LIPC: variants seen among roughly 807,000 people sequenced by gnomAD.
The protein encoded by LIPC is lipase C, hepatic type.
LIPC carries 44 observed loss-of-function variants against 50.7 expected under a neutral mutation model. The ratio of observed to expected loss-of-function variants is 0.87; its 90% CI spans 0.68 to 1.11. The LOEUF is 1.11. Ranked by LOEUF, LIPC falls within the 50% of genes most tolerant of loss-of-function variation. The pLI is 0.00. For missense variants in LIPC, 697 were observed against 648.2 expected (o/e 1.08, Z -0.82); for synonymous variants, 271 against 256.4 (o/e 1.06, Z -0.54).
At chr15:58,551,431 A>T (rs896500479) in intron 6 of LIPC, among the ~76,000 whole-genome samples, 1 of 152,386 alleles carries the variant, frequency 6.6e-6, no homozygotes, top group Middle Eastern at 3.4e-3. Flanking sequence ...TTTAAATTAA[A>T]TGGAACCAAA....
intron 4 of LIPC, among the ~76,000 whole-genome samples, chr15:58,543,356 T>A (rs4572327): frequency 0.083 from 12,559 of 151,886 alleles, 899 homozygotes; most frequent in East Asian, 0.24. Context: ...CCTTTCTCGG[T>A]GTGGAAGCCC....
chr15:58,454,130 C>CACCT (rs1894020607), intron 1 of LIPC, among the ~76,000 whole-genome samples: 1 of 152,190 alleles, frequency 6.6e-6, no homozygotes. Context: ...GACTCCTGAG[C>CACCT]ACCTGTTCTC....
At chr15:58,517,929 G>T (rs1481915965) in intron 1 of LIPC, among the ~76,000 whole-genome samples, 1 of 152,214 alleles carries the variant, frequency 6.6e-6, no homozygotes, top group Non-Finnish European at 1.5e-5. Context: ...ACAGCTAGTT[G>T]GTGCAAAGTG....
At chr15:58,465,187 C>T (rs1894506146) in intron 1 of LIPC, among the ~76,000 whole-genome samples, 1 of 152,188 alleles carries the variant, frequency 6.6e-6, no homozygotes, top group Admixed American at 6.5e-5. Context: ...GTGCACCCTA[C>T]ATCTGTCCAT....
At chr15:58,487,140 C>A (rs1595889430) in intron 1 of LIPC, among the ~76,000 whole-genome samples, 2 of 152,314 alleles carry the variant, frequency 1.3e-5, no homozygotes, top group East Asian at 3.9e-4. Flanking sequence ...GGCTGAACCC[C>A]ATACTTTCAA....
intron 6 of LIPC, among the ~76,000 whole-genome samples, chr15:58,552,887 A>C (rs1893814028): frequency 1.3e-5 from 2 of 152,222 alleles, no homozygotes; most frequent in Admixed American, 1.3e-4. Context: ...AGAGGTGTGA[A>C]TAGACATGGG....
chr15:58,467,614 T>G (rs1894617012), intron 1 of LIPC, among the ~76,000 whole-genome samples: 1 of 152,200 alleles, frequency 6.6e-6, no homozygotes, highest in South Asian at 2.1e-4. Context: ...TGCCGACATT[T>G]GCTCGGCTAC....
chr15:58,551,615 C>A (rs148507048), intron 6 of LIPC, among the ~76,000 whole-genome samples: 82 of 152,302 alleles, frequency 5.4e-4, no homozygotes, highest in African/African-American at 1.9e-3. Context: ...CCCATCACAA[C>A]CGTGATCATA....
At chr15:58,486,213 G>C (rs1869137) in intron 1 of LIPC, among the ~76,000 whole-genome samples, 60,452 of 151,970 alleles carry the variant, frequency 0.4, 12,373 homozygotes, top group South Asian at 0.51. Context: ...TATCTGCCTG[G>C]AGAGTCCCAC....
Position 58,503,600 on chromosome 15 carries a change from C to A in LIPC, c.89-34733C>A, listed in dbSNP as rs565631337. Among the ~76,000 whole-genome samples the A allele has an allele frequency of 6.6e-5, 10 of 152,340 alleles. No individual in the cohort carries two copies. In the East Asian group the frequency reaches 1.9e-3, roughly 29 times the overall value. Reference sequence around the variant, plus strand: ...TGTGAGTGTCTCAGCACCAGCACATCAACCTTCCAATTCACCAACTCACTC... The same window carrying A: ...TGTGAGTGTCTCAGCACCAGCACATAAACCTTCCAATTCACCAACTCACTC... On this transcript the variant is annotated intron_variant, in intron 1 of 8. Transcript: ENST00000299022.
chr15:58,504,171 AC>A (rs1892073908), intron 1 of LIPC, among the ~76,000 whole-genome samples: 1 of 151,356 alleles, frequency 6.6e-6, no homozygotes, highest in Non-Finnish European at 1.5e-5. Context: ...CTCCCTCCAA[AC>A]CCCCTCAAGA....
chr15:58,475,755 C>T (rs1230114420), intron 1 of LIPC, among the ~76,000 whole-genome samples: 2 of 152,196 alleles, frequency 1.3e-5, no homozygotes, highest in Non-Finnish European at 1.5e-5. Context: ...TTACATGAGC[C>T]AAGTCATGGC....
chr15:58,502,767 G>A (rs1346398724), intron 1 of LIPC, among the ~76,000 whole-genome samples: 3 of 151,972 alleles, frequency 2.0e-5, no homozygotes, highest in Non-Finnish European at 4.4e-5. Flanking sequence ...AATGAGAAAG[G>A]CATACTCAGT....
chr15:58,491,536 C>T (rs181748046), intron 1 of LIPC, among the ~76,000 whole-genome samples: 1 of 152,338 alleles, frequency 6.6e-6, no homozygotes, highest in East Asian at 1.9e-4. Context: ...CCCTCTCCTT[C>T]CCCACCTCAG....
At position 58,560,892 on chromosome 15, in the gene LIPC, C is replaced by G. The variant is rs761590587; in HGVS notation, c.1080C>G (p.Phe360Leu). The change falls in exon 7 of 9, where the codon TTC (phenylalanine) becomes TTG (leucine). Residue 360 changes from phenylalanine (F) to leucine (L), a missense_variant. Coordinates refer to ENST00000299022, the MANE Select transcript of LIPC (RefSeq NM_000236.3). ...KVYHYQFKIQ[F>L]INQTETPIQT... ...ATCATTACCAGTTCAAGATCCAGTT[C>G]ATCAACCAAACTGAGACACCAATAC... The G allele has an allele frequency of 3.5e-5, 49 of 1,397,176 alleles. No homozygotes were observed. The highest frequency in any genetic ancestry group is 4.5e-5 in the Non-Finnish European group (44 of 981,268). The allele number at this position is 1,397,176 out of a possible 1,614,324, so 86.5% of individuals were successfully genotyped here. A position where few individuals can be genotyped will look rare whatever the true frequency, so the allele number is the denominator to read the frequency against.
At chr15:58,441,507 C>T (rs1052159655) in intron 1 of LIPC, among the ~76,000 whole-genome samples, 15 of 152,124 alleles carry the variant, frequency 9.9e-5, no homozygotes, top group Admixed American at 3.3e-4. Context: ...TTCTTATTCC[C>T]ATTTTAGAGA....
At position 58,439,649 on chromosome 15, in the gene LIPC, G is replaced by A. The variant is rs1893437114; in HGVS notation, c.88+7529G>A. Among the ~76,000 whole-genome samples the A allele has an allele frequency of 2.0e-5, 3 of 152,116 alleles. No individual in the cohort carries two copies. The East Asian group carries it at 5.8e-4, about 29-fold the overall frequency. ...AGTAGAGATGGGGTTTCACCATGTT[G>A]GCCAGGCTGGTCTCGAACTCTTGAC... On this transcript the variant is annotated intron_variant, in intron 1 of 8. Transcript: ENST00000299022.
chr15:58,541,718 G>A (rs1893330464), intron 2 of LIPC, 67 bp from the exon 3 acceptor site: 5 of 1,493,084 alleles, frequency 3.3e-6, no homozygotes, highest in Non-Finnish European at 4.6e-6. Flanking sequence ...TCCAGGAGCT[G>A]GAGAAGGAAG....
At chr15:58,447,005 A>C (rs1054993016) in intron 1 of LIPC, among the ~76,000 whole-genome samples, 5 of 151,924 alleles carry the variant, frequency 3.3e-5, no homozygotes, top group Non-Finnish European at 4.4e-5. Context: ...AAAGTTAGCC[A>C]GGTGTGGTGG....
Sources: gnomAD v4.1 joint callset for allele counts (sites outside exome capture counted in the v4.1 genomes callset) on GRCh38, gnomAD v4.1.1 for gene constraint, MANE v1.5 for transcripts, NCBI Gene and HGNC (gene_info 2026-07-23, HGNC 2026-07-21) for gene names.